The following CYFIP1 variants were observed in gnomAD, a reference collection of about 807,000 sequenced individuals.
The protein encoded by CYFIP1 is cytoplasmic FMR1 interacting protein 1.
Under a neutral mutation model 163.5 loss-of-function variants are expected in CYFIP1, and 58 were observed. The observed-to-expected ratio is 0.35, with a 90% CI of 0.29 to 0.44. The LOEUF is 0.44. Ranked by LOEUF, CYFIP1 falls within the 20% of genes least tolerant of loss-of-function variation. CYFIP1 has a pLI of 1.00. For synonymous variants in CYFIP1, 663 were observed against 660.7 expected (o/e 1.00, Z -0.05); for missense variants, 1,338 against 1,653.8 (o/e 0.81, Z 3.31).
intron 5 of CYFIP1, 33 bp downstream of exon 5, chr15:22,944,525 G>T: frequency 6.8e-7 from 1 of 1,473,644 alleles, no homozygotes; most frequent in Non-Finnish European, 9.5e-7. Context: ...ACCCCTCGGT[G>T]TTACACCCCC....
intron 22 of CYFIP1, among the ~76,000 whole-genome samples, chr15:22,897,028 C>T (rs967553518): frequency 2.6e-4 from 40 of 152,238 alleles, no homozygotes; most frequent in African/African-American, 9.2e-4. Flanking sequence ...GCCTGGCCAA[C>T]ATGGTGAAAC....
In CYFIP1 at chr15:22,872,980, C is replaced by A; in HGVS notation, c.3450-8G>T. 6.2e-7 allele frequency: 1 copy of A among 1,612,968 alleles called. No individual in the cohort carries two copies. Among genetic ancestry groups the A allele is most frequent in the Non-Finnish European group, 8.5e-7 (1 of 1,179,534 alleles). On this transcript the variant is annotated splice_polypyrimidine_tract_variant and splice_region_variant and intron_variant, in intron 29 of 30. Coordinates refer to ENST00000617928, the MANE Select transcript of CYFIP1 (RefSeq NM_014608.6). The stretch of plus-strand genomic sequence containing the variant: ...CCATCACCAAAGCACTGCCTAGGAA[C>A]AAGAAGCAGAAACAGAATGGGAGAT...
At chr15:22,956,302 C>G (rs1198851911) in intron 1 of CYFIP1, among the ~76,000 whole-genome samples, 1 of 152,080 alleles carries the variant, frequency 6.6e-6, no homozygotes, top group Non-Finnish European at 1.5e-5. Flanking sequence ...TCGTGCTCAG[C>G]AGGCAGCTCA....
chr15:22,904,415 G>A (rs1052090013), intron 21 of CYFIP1: 2 of 176,296 alleles, frequency 1.1e-5, no homozygotes, highest in Admixed American at 1.1e-4. Context: ...ACTGTCCGAT[G>A]TGGCAGCCGG....
chr15:22,881,276 C>T (rs1316249846), intron 25 of CYFIP1, among the ~76,000 whole-genome samples: 4 of 152,216 alleles, frequency 2.6e-5, no homozygotes, highest in Non-Finnish European at 5.9e-5. Context: ...CAAGAAAACT[C>T]GGCCAGGTAA....
chr15:22,883,424 C>T (rs2059827820), intron 23 of CYFIP1, among the ~76,000 whole-genome samples: 2 of 152,152 alleles, frequency 1.3e-5, no homozygotes, highest in Admixed American at 1.3e-4. Context: ...AGAGAGACCC[C>T]TGTGGAGTGG....
At chr15:22,901,798 G>A (rs577390806) in intron 22 of CYFIP1, among the ~76,000 whole-genome samples, 19 of 152,284 alleles carry the variant, frequency 1.2e-4, no homozygotes, top group Non-Finnish European at 2.5e-4. Flanking sequence ...CTCAGGATTC[G>A]ACACAGAACT....
chr15:22,875,059 A>ACTCCT, intron 27 of CYFIP1, 140 bp downstream of exon 27: 1 of 721,726 alleles, frequency 1.4e-6, no homozygotes, highest in South Asian at 1.6e-5. Context: ...GGTTCTGTAC[A>ACTCCT]CTCCTCATTA....
At chr15:22,976,479 T>C (rs955227566) in intron 1 of CYFIP1, among the ~76,000 whole-genome samples, 1 of 152,190 alleles carries the variant, frequency 6.6e-6, no homozygotes, top group South Asian at 2.1e-4. Flanking sequence ...TAATTGTACA[T>C]TGCTAGTACA....
At chr15:22,875,373 ACT>A (rs1196189982) in intron 26 of CYFIP1, 102 bp from the exon 27 acceptor site, 9 of 948,152 alleles carry the variant, frequency 9.5e-6, no homozygotes, top group Admixed American at 1.8e-5. Context: ...CATAAAATAA[ACT>A]CTGTAAGTTT....
chr15:22,897,975 C>T (rs2141984321), intron 22 of CYFIP1, among the ~76,000 whole-genome samples: 1 of 152,302 alleles, frequency 6.6e-6, no homozygotes, highest in South Asian at 2.1e-4. Context: ...TGCCACCCTG[C>T]AAATTCCAGC....
intron 1 of CYFIP1, among the ~76,000 whole-genome samples, chr15:22,966,316 T>C (rs963887475): frequency 1.1e-4 from 16 of 144,526 alleles, no homozygotes; most frequent in African/African-American, 4.2e-4. Flanking sequence ...GAGGTTGCGG[T>C]GGGCCCAGAT....
intron 12 of CYFIP1, among the ~76,000 whole-genome samples, chr15:22,927,683 A>C (rs1466544766): frequency 6.6e-6 from 1 of 151,532 alleles, no homozygotes; most frequent in Admixed American, 6.6e-5. Flanking sequence ...GAAAATCACA[A>C]TGGTACAAAT....
chr15:22,980,832 GCTGCAGGTCGGCGC>G (rs1479771957), upstream of CYFIP1, among the ~76,000 whole-genome samples: 3 of 151,944 alleles, frequency 2.0e-5, no homozygotes, highest in Non-Finnish European at 4.4e-5. Flanking sequence ...GCGGGTCCCA[GCTGCAGGTCGGCGC>G]GCAGAGCCCG....
intron 22 of CYFIP1, among the ~76,000 whole-genome samples, chr15:22,899,592 C>T (rs1305138863): frequency 3.3e-5 from 5 of 152,184 alleles, no homozygotes; most frequent in African/African-American, 4.8e-5. Context: ...ATCCCTCTCA[C>T]CTTCCGCCAT....
intron 13 of CYFIP1, among the ~76,000 whole-genome samples, chr15:22,921,784 A>AGAC (rs1555409978): frequency 0.36 from 50,486 of 141,762 alleles, 9,767 homozygotes; most frequent in East Asian, 0.53. Flanking sequence ...AAAAAAAAAA[A>AGAC]AGAAGCACGA....
At chr15:22,879,217 G>A (rs1381492299) in intron 26 of CYFIP1, among the ~76,000 whole-genome samples, 1 of 152,080 alleles carries the variant, frequency 6.6e-6, no homozygotes, top group African/African-American at 2.4e-5. Context: ...AAGACGCAAC[G>A]AACGAAGAGA....
intron 8 of CYFIP1, among the ~76,000 whole-genome samples, chr15:22,938,318 A>C (rs2061779769): frequency 6.6e-6 from 1 of 152,350 alleles, no homozygotes; most frequent in African/African-American, 2.4e-5. Context: ...TCTGTCACAA[A>C]GCTGGCGGGG....
At chr15:22,916,147 G>A (rs1263818162) in intron 16 of CYFIP1, among the ~76,000 whole-genome samples, 2 of 152,160 alleles carry the variant, frequency 1.3e-5, no homozygotes, top group African/African-American at 4.8e-5. Context: ...GGTCTGCAAG[G>A]GCCATTTCTA....
Sources: gnomAD v4.1 joint callset for allele counts (sites outside exome capture counted in the v4.1 genomes callset) on GRCh38, gnomAD v4.1.1 for gene constraint, MANE v1.5 for transcripts, NCBI Gene and HGNC (gene_info 2026-07-23, HGNC 2026-07-21) for gene names.